Variants in ATP8A2 observed in about 807,000 individuals in gnomAD.
ATP8A2 encodes the protein phospholipid-transporting ATPase IB.
A neutral mutation model predicts 165.6 loss-of-function variants in ATP8A2; 100 were observed. That is an observed-to-expected ratio of 0.60 (90% CI 0.51 to 0.71). ATP8A2 has a LOEUF of 0.71. ATP8A2 is among the 30% of genes least tolerant of loss of function. The probability of loss-of-function intolerance (pLI) is 0.00; values close to 1 mark genes in which losing one functional copy is unlikely to be tolerated. For missense variants in ATP8A2, 1,227 were observed against 1,479.5 expected (o/e 0.83, Z 2.80); for synonymous variants, 543 against 548.8 (o/e 0.99, Z 0.15).
At chr13:25,407,350 G>A (rs1398844142) in intron 1 of ATP8A2, among the ~76,000 whole-genome samples, 1 of 152,098 alleles carries the variant, frequency 6.6e-6, no homozygotes, top group Admixed American at 6.6e-5. Flanking sequence ...TCCCTATGAA[G>A]ACCCTTCCTC....
At chr13:25,762,628 G>A (rs1219010353) in intron 25 of ATP8A2, among the ~76,000 whole-genome samples, 1 of 152,112 alleles carries the variant, frequency 6.6e-6, no homozygotes, top group African/African-American at 2.4e-5. Context: ...AATTATGGGT[G>A]GAGATGTAGC....
intron 1 of ATP8A2, among the ~76,000 whole-genome samples, chr13:25,415,758 C>T (rs1385456818): frequency 2.0e-5 from 3 of 152,132 alleles, no homozygotes; most frequent in Non-Finnish European, 4.4e-5. Flanking sequence ...TCAAATGTCA[C>T]CTCTTCAGAA....
chr13:25,712,829 T>TG (rs2043182637), intron 25 of ATP8A2, among the ~76,000 whole-genome samples: 1 of 152,148 alleles, frequency 6.6e-6, no homozygotes, highest in Non-Finnish European at 1.5e-5. Flanking sequence ...TGGGGAGAAT[T>TG]GCTTGAGTAA....
At chr13:25,531,522 C>A (rs1394954274) in intron 4 of ATP8A2, among the ~76,000 whole-genome samples, 1 of 149,974 alleles carries the variant, frequency 6.7e-6, no homozygotes. Context: ...TTCCTCTCCT[C>A]CCTTACATAC....
intron 25 of ATP8A2, among the ~76,000 whole-genome samples, chr13:25,735,872 C>T (rs1593269236): frequency 6.6e-6 from 1 of 152,122 alleles, no homozygotes; most frequent in Admixed American, 6.5e-5. Context: ...ACAGTAATAT[C>T]CTAGGTCTTC....
intron 27 of ATP8A2, among the ~76,000 whole-genome samples, chr13:25,788,938 G>T (rs9507577): frequency 0.5 from 76,499 of 151,998 alleles, 20,141 homozygotes; most frequent in South Asian, 0.61. Flanking sequence ...CAGAAGCTCA[G>T]ATGCTTTGCT....
chr13:25,710,283 C>A (rs116612901), intron 25 of ATP8A2, among the ~76,000 whole-genome samples: 1 of 152,040 alleles, frequency 6.6e-6, no homozygotes, highest in Admixed American at 6.6e-5. Context: ...ATTCCAACTC[C>A]GCTGTTTTAA....
rs145490905 is a variant in ATP8A2 at position 25,907,363 on chromosome 13, A to AAAAAT, written c.3183+44980_3183+44984dup. Among the ~76,000 whole-genome samples the AAAAAT allele has an allele frequency of 8.9e-3, 1,350 of 151,872 alleles. 8 individuals are homozygous for AAAAAT. Among genetic ancestry groups the AAAAAT allele is most frequent in the South Asian group, 0.023 (112 of 4,818 alleles). On this transcript the variant is annotated intron_variant, in intron 33 of 36. Transcript: ENST00000381655. Reference sequence around the variant, plus strand: ...GAGACTCCATCTCAAAAATAAATAAAAAAATAAAATAAAATAAAATAAAAT... The same window carrying AAAAAT: ...GAGACTCCATCTCAAAAATAAATAAAAAAATAAAATAAAATAAAATAAAATAAAAT...
chr13:25,769,298 T>A, intron 26 of ATP8A2, 69 bp downstream of exon 26: 1 of 1,495,144 alleles, frequency 6.7e-7, no homozygotes, highest in Non-Finnish European at 9.1e-7. Context: ...GGACCTGGCG[T>A]TTAACCTTCA....
At chr13:25,822,125 A>G (rs1951196938) in intron 27 of ATP8A2, among the ~76,000 whole-genome samples, 1 of 152,060 alleles carries the variant, frequency 6.6e-6, no homozygotes, top group Non-Finnish European at 1.5e-5. Flanking sequence ...CTTGCAGTGC[A>G]TGGGGACTTA....
chr13:25,875,443 G>T (rs929751018), intron 33 of ATP8A2, among the ~76,000 whole-genome samples: 1 of 151,768 alleles, frequency 6.6e-6, no homozygotes, highest in African/African-American at 2.4e-5. Context: ...GTACAATTGG[G>T]TGGGTCTGTA....
chr13:25,774,807 C>T, intron 26 of ATP8A2, 42 bp from the exon 27 acceptor site: 2 of 1,164,714 alleles, frequency 1.7e-6, no homozygotes, highest in Non-Finnish European at 2.6e-6. Flanking sequence ...TTTTATTCCT[C>T]AATGATGGGC....
intron 2 of ATP8A2, among the ~76,000 whole-genome samples, chr13:25,490,865 G>T (rs376979475): frequency 1.3e-5 from 2 of 151,564 alleles, no homozygotes; most frequent in African/African-American, 4.9e-5. Context: ...CCTCAACCTC[G>T]TAAGTAGCTG....
chr13:25,633,894 T>C (rs1007313405), intron 24 of ATP8A2, among the ~76,000 whole-genome samples: 1 of 151,824 alleles, frequency 6.6e-6, no homozygotes, highest in African/African-American at 2.4e-5. Flanking sequence ...GAGAATGGCT[T>C]GAGCCTGGAA....
At chr13:25,510,961 C>T (rs780103759) in intron 2 of ATP8A2, among the ~76,000 whole-genome samples, 3 of 152,138 alleles carry the variant, frequency 2.0e-5, no homozygotes, top group Non-Finnish European at 4.4e-5. Flanking sequence ...GCCCTCTCTC[C>T]CATCCCAGTC....
At chr13:25,536,510 C>G (rs977702320) in intron 6 of ATP8A2, among the ~76,000 whole-genome samples, 5 of 152,140 alleles carry the variant, frequency 3.3e-5, no homozygotes, top group Non-Finnish European at 7.4e-5. Flanking sequence ...GGCATTTTCC[C>G]CAGACACTTT....
intron 30 of ATP8A2, among the ~76,000 whole-genome samples, chr13:25,852,101 C>T: frequency 6.6e-6 from 1 of 152,190 alleles, no homozygotes; most frequent in Non-Finnish European, 1.5e-5. Context: ...AGAATTCTCT[C>T]TGTTAGACAT....
chr13:25,610,669 A>G (rs1324175523), intron 24 of ATP8A2, among the ~76,000 whole-genome samples: 1 of 151,880 alleles, frequency 6.6e-6, no homozygotes, highest in African/African-American at 2.4e-5. Context: ...GTGCATTTTT[A>G]TGGGAATTGC....
At chr13:25,822,607 G>A (rs1051789770) in intron 27 of ATP8A2, among the ~76,000 whole-genome samples, 3 of 152,120 alleles carry the variant, frequency 2.0e-5, no homozygotes, top group East Asian at 3.9e-4. Context: ...AGCTTGTAGG[G>A]TTCTTTCTGT....
Sources: gnomAD v4.1 joint callset for allele counts (sites outside exome capture counted in the v4.1 genomes callset) on GRCh38, gnomAD v4.1.1 for gene constraint, MANE v1.5 for transcripts, NCBI Gene and HGNC (gene_info 2026-07-23, HGNC 2026-07-21) for gene names.